NUB1: variants seen among roughly 807,000 people sequenced by gnomAD.
NUB1 encodes negative regulator of ubiquitin like proteins 1, also known as NEDD8 ultimate buster 1.
A neutral mutation model predicts 77.1 loss-of-function variants in NUB1; 41 were observed. That is an observed-to-expected ratio of 0.53 (90% confidence interval 0.41 to 0.69). The LOEUF (loss-of-function observed/expected upper bound fraction) is 0.69. NUB1 is among the 30% of genes least tolerant of loss of function. NUB1 has a pLI of 0.00. For synonymous variants in NUB1, 257 were observed against 281.0 expected, an observed-to-expected ratio of 0.91 and a Z score of 0.85; for missense variants, 643 against 743.8, an observed-to-expected ratio of 0.86 and a Z score of 1.58.
rs1563025969 is a variant in NUB1 at position 151,367,854 on chromosome 7, A to T, written c.988-7A>T. 6.5e-7 allele frequency: 1 copy of T among 1,549,754 alleles called. No homozygotes were observed. Among genetic ancestry groups the T allele is most frequent in the Admixed American group, 1.9e-5 (1 of 52,962 alleles). ...AATTTTATCCTTTTTTTCTTCAATAATTTTAGGGAAATTGTGGGAAAGAGA... is the reference window on the plus strand; with the variant it reads ...AATTTTATCCTTTTTTTCTTCAATATTTTTAGGGAAATTGTGGGAAAGAGA... On this transcript the variant is annotated splice_polypyrimidine_tract_variant and splice_region_variant and intron_variant, in intron 9 of 14. Transcript: ENST00000568733.
chr7:151,349,898 C>T (rs189821718), intron 3 of NUB1, among the ~76,000 whole-genome samples: 2 of 152,358 alleles, frequency 1.3e-5, no homozygotes, highest in Admixed American at 1.3e-4. Context: ...GGACCACTAC[C>T]ACCTAGACGC....
At chr7:151,346,270 C>T (rs1464024656) in intron 2 of NUB1, among the ~76,000 whole-genome samples, 1 of 152,162 alleles carries the variant, frequency 6.6e-6, no homozygotes, top group South Asian at 2.1e-4. Flanking sequence ...CACCTTCTGA[C>T]CTTGCTTCTG....
At chr7:151,375,565 A>G (rs1451552756) in intron 12 of NUB1, among the ~76,000 whole-genome samples, 1 of 152,212 alleles carries the variant, frequency 6.6e-6, no homozygotes, top group African/African-American at 2.4e-5. Flanking sequence ...TAGCTCTGAC[A>G]AAACCTGTTT....
At chr7:151,359,439 T>C (rs1056114019) in intron 7 of NUB1, among the ~76,000 whole-genome samples, 2 of 135,260 alleles carry the variant, frequency 1.5e-5, no homozygotes, top group African/African-American at 6.0e-5. Context: ...CGAGACTCTG[T>C]CTCAAAAAAA....
At chr7:151,374,825 C>A (rs1337416844) in intron 12 of NUB1, among the ~76,000 whole-genome samples, 1 of 152,178 alleles carries the variant, frequency 6.6e-6, no homozygotes, top group East Asian at 1.9e-4. Context: ...GGCATGGAAC[C>A]ACCCTCTGCC....
intron 8 of NUB1, among the ~76,000 whole-genome samples, chr7:151,365,483 G>A (rs561519546): frequency 1.2e-4 from 19 of 152,332 alleles, no homozygotes; most frequent in Non-Finnish European, 2.5e-4. Flanking sequence ...AGGAGATGGA[G>A]AAGTTCGGCC....
At chr7:151,344,676 C>T (rs1180394767) in intron 1 of NUB1, among the ~76,000 whole-genome samples, 2 of 151,490 alleles carry the variant, frequency 1.3e-5, no homozygotes, top group African/African-American at 2.4e-5. Flanking sequence ...ATTTAACTAC[C>T]AGGATGGTTG....
At chr7:151,376,317 C>T (rs555293575) in intron 13 of NUB1, 11 of 482,396 alleles carry the variant, frequency 2.3e-5, no homozygotes, top group East Asian at 2.2e-4. Flanking sequence ...CCCCTACACG[C>T]GTTAGCACGC....
At chr7:151,350,370 A>G (rs1476778255) in intron 3 of NUB1, among the ~76,000 whole-genome samples, 1 of 152,078 alleles carries the variant, frequency 6.6e-6, no homozygotes, top group African/African-American at 2.4e-5. Context: ...GCTAAGTAAC[A>G]GGTGCCTTCC....
intron 5 of NUB1, among the ~76,000 whole-genome samples, chr7:151,353,893 T>C (rs1796938807): frequency 6.6e-6 from 1 of 152,224 alleles, no homozygotes; most frequent in African/African-American, 2.4e-5. Flanking sequence ...CATTGTCTAT[T>C]TTAGATGTCA....
At position 151,378,368 on chromosome 7, in the gene NUB1, T is replaced by G. The variant is rs545349942; in HGVS notation, c.*1143T>G. Reference sequence around the variant, plus strand: ...TTTTTCAAAGTGTGGGTGGTCCAGTTTGGACTGATGGGAATCTTCTTGTCA... The same window carrying G: ...TTTTTCAAAGTGTGGGTGGTCCAGTGTGGACTGATGGGAATCTTCTTGTCA... On this transcript the variant is annotated 3_prime_UTR_variant, in exon 15 of 15. Transcript: ENST00000568733. 4 of 152,346 alleles carry G rather than the reference T, an allele frequency of 2.6e-5. No individual in the cohort carries two copies. Among genetic ancestry groups the G allele is most frequent in the African/African-American group, 7.2e-5 (3 of 41,580 alleles). The allele number at this position is 152,346 out of a possible 1,614,324, so 9.4% of individuals were successfully genotyped here. A position where few individuals can be genotyped will look rare whatever the true frequency, so the allele number is the denominator to read the frequency against.
Position 151,368,738 on chromosome 7 carries a change from C to G in NUB1, c.1099C>G (p.Arg367Gly), listed in dbSNP as rs767529911. Residue 367 changes from arginine (R) to glycine (G), a missense_variant, in exon 11 of 15, where the codon CGT (arginine) becomes GGT (glycine). Coordinates refer to ENST00000568733, the MANE Select transcript of NUB1 (RefSeq NM_001243351.2). ...TCTTACATTTCCCTGTCTCTAGGCACGTCAGCTCTTTAAAGAGCTATATAT... is the reference window on the plus strand; with the variant it reads ...TCTTACATTTCCCTGTCTCTAGGCAGGTCAGCTCTTTAAAGAGCTATATAT... ...VEAYEYLNKARQLFKELYIDP... is the reference protein window; with the variant it reads ...VEAYEYLNKAGQLFKELYIDP... The G allele has an allele frequency of 1.6e-5, 26 of 1,604,666 alleles. No individual in the cohort carries two copies. The highest frequency in any genetic ancestry group is 1.0e-4 in the Admixed American group (6 of 58,520).
At chr7:151,368,587 A>T in intron 10 of NUB1, 148 bp from the exon 11 acceptor site, 1 of 840,026 alleles carries the variant, frequency 1.2e-6, no homozygotes, top group Non-Finnish European at 1.8e-6. Context: ...TGTACTTGTT[A>T]ATAACAGGCC....
chr7:151,375,886 T>G lies in NUB1; in HGVS notation c.1434T>G (p.Asp478Glu). The G allele has an allele frequency of 6.2e-7, 1 of 1,613,390 alleles. No homozygotes were observed. The highest frequency in any genetic ancestry group is 8.5e-7 in the Non-Finnish European group (1 of 1,179,320). Residue 478 changes from aspartate to glutamate, a missense_variant, in exon 13 of 15, where the codon GAT becomes GAG. By Grantham distance (45) the Asp-to-Glu change is conservative (BLOSUM62 2). Transcript: ENST00000568733. ...ATCCTCAGATGTGGTGGTTAAATGA[T>G]TCCAATCCTGAAACCGACAACCGTC... is the stretch of plus-strand genomic sequence containing the variant. ...LSNPQMWWLN[D>E]SNPETDNRQE...
chr7:151,342,017 G>A lies in NUB1; in HGVS notation c.-3+171G>A, dbSNP rs574976099. 118 of 1,228,560 alleles carry A rather than the reference G, an allele frequency of 9.6e-5. No individual in the cohort carries two copies. In the South Asian group the frequency reaches 2.9e-3, roughly 30 times the overall value. 76.1% of individuals were successfully genotyped at this position (1,228,560 alleles called of 1,614,324 possible). Reference sequence around the variant, plus strand: ...CGGGGCCGGGGCCGGGGCCGGGAGCGGTGGGCCGGGCTTCGGGACGCGCTG... The same window carrying A: ...CGGGGCCGGGGCCGGGGCCGGGAGCAGTGGGCCGGGCTTCGGGACGCGCTG... On this transcript the variant is annotated intron_variant, in intron 1 of 14. Transcript: ENST00000568733.
intron 4 of NUB1, among the ~76,000 whole-genome samples, chr7:151,352,592 G>C (rs1466620220): frequency 3.3e-5 from 5 of 152,116 alleles, no homozygotes; most frequent in Non-Finnish European, 5.9e-5. Flanking sequence ...ACAGGCATGG[G>C]CTACCAGGCC....
chr7:151,345,251 G>A (rs1254015392), intron 1 of NUB1, 97 bp from the exon 2 acceptor site: 3 of 712,372 alleles, frequency 4.2e-6, no homozygotes, highest in African/African-American at 1.8e-5. Flanking sequence ...GAGGAAGGGA[G>A]CTTTGCTTAC....
At chr7:151,347,752 C>G (rs61638536) in intron 2 of NUB1, among the ~76,000 whole-genome samples, 2 of 152,184 alleles carry the variant, frequency 1.3e-5, no homozygotes, top group Admixed American at 6.5e-5. Flanking sequence ...AGCCATCGCG[C>G]CCAATCTATA....
At chr7:151,363,261 A>G (rs927115486) in intron 8 of NUB1, among the ~76,000 whole-genome samples, 2 of 152,248 alleles carry the variant, frequency 1.3e-5, no homozygotes, top group Admixed American at 1.3e-4. Context: ...CAGAGGAACA[A>G]CTGAACATGT....
Sources: gnomAD v4.1 joint callset for allele counts (sites outside exome capture counted in the v4.1 genomes callset) on GRCh38, gnomAD v4.1.1 for gene constraint, MANE v1.5 for transcripts, NCBI Gene and HGNC (gene_info 2026-07-23, HGNC 2026-07-21) for gene names.